ARMC1: variants seen among roughly 807,000 people sequenced by gnomAD.
The protein encoded by ARMC1 is armadillo repeat-containing protein 1.
ARMC1 carries 16 observed loss-of-function variants against 31.4 expected under a neutral mutation model. The observed-to-expected ratio is 0.51, with a 90% CI of 0.34 to 0.77. The LOEUF is 0.77. Among genes scored for constraint, ARMC1 ranks in the 30% least tolerant of loss-of-function variants. The probability of loss-of-function intolerance (pLI) is 0.01; values close to 1 mark genes in which losing one functional copy is unlikely to be tolerated. For missense variants in ARMC1, 259 were observed against 347.5 expected (o/e 0.75, Z 2.02); for synonymous variants, 114 against 118.9 (o/e 0.96, Z 0.27).
Position 65,623,414 on chromosome 8 carries a change from G to A in ARMC1, c.184-1060C>T, listed in dbSNP as rs550448918. On this transcript the variant is annotated intron_variant, in intron 2 of 6. Transcript: ENST00000276569. ...ACTTAAGGTCAGGAGTTCGAGACCA[G>A]CCTGGCCAACATGGCAAAACCCCGT... is the stretch of plus-strand genomic sequence containing the variant. 2.0e-5 allele frequency among the ~76,000 whole-genome samples: 3 copies of A among 151,380 alleles called. No individual in the cohort carries two copies. In the East Asian group the frequency reaches 5.9e-4, roughly 30 times the overall value.
At chr8:65,627,117 C>T in intron 2 of ARMC1, 99 bp downstream of exon 2, 1 of 1,152,712 alleles carries the variant, frequency 8.7e-7, no homozygotes, top group Non-Finnish European at 1.2e-6. Flanking sequence ...ACTAATTGCT[C>T]TCTTTCCGTT....
chr8:65,610,128 C>T (rs530123632), intron 4 of ARMC1, among the ~76,000 whole-genome samples: 4 of 152,028 alleles, frequency 2.6e-5, no homozygotes, highest in Non-Finnish European at 4.4e-5. Flanking sequence ...GACGGGATCT[C>T]GCCCTGTCGC....
chr8:65,605,382 C>G, intron 5 of ARMC1, 40 bp downstream of exon 5: 3 of 1,612,660 alleles, frequency 1.9e-6, no homozygotes, highest in Non-Finnish European at 2.5e-6. Flanking sequence ...GATTTGTTTA[C>G]CTGTAATCTC....
rs949413059 is a variant in ARMC1, at chr8:65,612,085, A to G, written c.465+1159T>C. ...GTGCCCGGCCTACACTTTCATTTTT[A>G]TTCAGTTCACTTTCATTTTTATTTT... On this transcript the variant is annotated intron_variant, in intron 4 of 6. Coordinates refer to ENST00000276569, the MANE Select transcript of ARMC1 (RefSeq NM_018120.6). Among the ~76,000 whole-genome samples, 6 of 151,994 alleles carry G rather than the reference A, an allele frequency of 3.9e-5. 1 individual carries two copies. Among genetic ancestry groups the G allele is most frequent in the African/African-American group, 1.4e-4 (6 of 41,392 alleles).
intron 1 of ARMC1, among the ~76,000 whole-genome samples, chr8:65,631,269 C>T (rs1377351233): frequency 1.3e-5 from 2 of 152,206 alleles, no homozygotes; most frequent in African/African-American, 4.8e-5. Context: ...GGGTCTCACT[C>T]TGTCACCCAG....
chr8:65,629,154 C>CA (rs761505047), intron 1 of ARMC1, among the ~76,000 whole-genome samples: 1,221 of 76,822 alleles, frequency 0.016, 4 homozygotes, highest in Middle Eastern at 0.045. Flanking sequence ...GACTCCATCT[C>CA]AAAAAAAAAA....
intron 2 of ARMC1, among the ~76,000 whole-genome samples, chr8:65,623,674 A>G (rs1808447369): frequency 6.6e-6 from 1 of 152,092 alleles, no homozygotes; most frequent in East Asian, 1.9e-4. Flanking sequence ...GCTGAAAATC[A>G]CTAATAAAGT....
At chr8:65,610,134 G>C (rs548709020) in intron 4 of ARMC1, among the ~76,000 whole-genome samples, 75 of 152,054 alleles carry the variant, frequency 4.9e-4, no homozygotes, top group African/African-American at 1.8e-3. Flanking sequence ...ATCTCGCCCT[G>C]TCGCCCAGGC....
At chr8:65,617,103 C>G (rs575038249) in intron 3 of ARMC1, among the ~76,000 whole-genome samples, 1 of 152,350 alleles carries the variant, frequency 6.6e-6, no homozygotes, top group Admixed American at 6.5e-5. Context: ...TGCCCGGCGG[C>G]CACCCTGTCT....
intron 3 of ARMC1, among the ~76,000 whole-genome samples, chr8:65,619,192 CA>C (rs1808340044): frequency 6.6e-6 from 1 of 151,976 alleles, no homozygotes; most frequent in Non-Finnish European, 1.5e-5. Flanking sequence ...GTCCATGAAA[CA>C]AAAATAATCC....
chr8:65,612,156 G>A (rs923320413), intron 4 of ARMC1, among the ~76,000 whole-genome samples: 2 of 152,022 alleles, frequency 1.3e-5, no homozygotes, highest in Admixed American at 6.6e-5. Flanking sequence ...CTGACTCATA[G>A]ATTACTTTAG....
At chr8:65,620,800 A>AAAAAAAAAAAAAAC (rs1310179024) in intron 3 of ARMC1, among the ~76,000 whole-genome samples, 1 of 35,774 alleles carries the variant, frequency 2.8e-5, no homozygotes, top group African/African-American at 1.5e-4. Context: ...AGTTCCATTT[A>AAAAAAAAAAAAAAC]AAAAAAAACA....
At chr8:65,618,036 C>T (rs544143957) in intron 3 of ARMC1, among the ~76,000 whole-genome samples, 1 of 152,110 alleles carries the variant, frequency 6.6e-6, no homozygotes, top group South Asian at 2.1e-4. Flanking sequence ...CTGTCTCAGC[C>T]CCGTGAGTAG....
chr8:65,629,915 C>T (rs1413599547), intron 1 of ARMC1, among the ~76,000 whole-genome samples: 2 of 151,754 alleles, frequency 1.3e-5, no homozygotes, highest in East Asian at 1.9e-4. Flanking sequence ...GAGGACAAAG[C>T]GGGTGGATCA....
chr8:65,619,985 A>G (rs961081171), intron 3 of ARMC1, among the ~76,000 whole-genome samples: 1 of 151,820 alleles, frequency 6.6e-6, no homozygotes, highest in Non-Finnish European at 1.5e-5. Flanking sequence ...CTCAAAAAAA[A>G]AAAAAAAAAA....
intron 2 of ARMC1, among the ~76,000 whole-genome samples, chr8:65,625,997 T>C (rs936984222): frequency 9.2e-5 from 14 of 151,728 alleles, no homozygotes; most frequent in Non-Finnish European, 1.9e-4. Flanking sequence ...CAAGGGATTC[T>C]CCTGCCTCAG....
At chr8:65,633,651 A>G (rs913295572) in intron 1 of ARMC1, 3 of 152,250 alleles carry the variant, frequency 2.0e-5, no homozygotes, top group Non-Finnish European at 4.4e-5. Flanking sequence ...GCCTAACACA[A>G]CTATGTCTTT....
chr8:65,612,210 C>T (rs536151832), intron 4 of ARMC1, among the ~76,000 whole-genome samples: 11 of 152,158 alleles, frequency 7.2e-5, no homozygotes, highest in Admixed American at 2.6e-4. Context: ...GCCTGTAATC[C>T]GAGCTCTTTG....
intron 3 of ARMC1, among the ~76,000 whole-genome samples, chr8:65,620,679 T>C (rs1808374685): frequency 6.6e-6 from 1 of 151,970 alleles, no homozygotes; most frequent in South Asian, 2.1e-4. Context: ...AAGATGCTTC[T>C]GTTGTCATCC....
Sources: gnomAD v4.1 joint callset for allele counts (sites outside exome capture counted in the v4.1 genomes callset) on GRCh38, gnomAD v4.1.1 for gene constraint, MANE v1.5 for transcripts, NCBI Gene and HGNC (gene_info 2026-07-23, HGNC 2026-07-21) for gene names.